Variants in SPAG16 observed in about 807,000 individuals in gnomAD.
SPAG16 encodes sperm-associated antigen 16 protein.
A neutral mutation model predicts 80.4 loss-of-function variants in SPAG16; 86 were observed. The observed-to-expected ratio is 1.07, with a 90% confidence interval of 0.90 to 1.28. The LOEUF is 1.28. Ranked by LOEUF, SPAG16 falls within the 50% of genes most tolerant of loss-of-function variation. The pLI is 0.00. For missense variants in SPAG16, 870 were observed against 765.3 expected (o/e 1.14, Z -1.61); for synonymous variants, 294 against 265.9 (o/e 1.11, Z -1.03).
At chr2:214,341,527 C>G (rs1172900450) in intron 15 of SPAG16, among the ~76,000 whole-genome samples, 1 of 152,072 alleles carries the variant, frequency 6.6e-6, no homozygotes, top group African/African-American at 2.4e-5. Flanking sequence ...TAAAAAGCTT[C>G]TGAGATTTCA....
intron 9 of SPAG16, among the ~76,000 whole-genome samples, chr2:213,375,493 T>A (rs983814594): frequency 1.3e-5 from 2 of 152,068 alleles, no homozygotes; most frequent in Non-Finnish European, 2.9e-5. Context: ...CTTAGTCTCT[T>A]TAAAGGTAGA....
intron 9 of SPAG16, among the ~76,000 whole-genome samples, chr2:213,480,223 A>G (rs1463015896): frequency 6.6e-6 from 1 of 152,196 alleles, no homozygotes; most frequent in Non-Finnish European, 1.5e-5. Flanking sequence ...GTGGACATCT[A>G]TAGAGAATTA....
chr2:213,703,308 G>C (rs2065582606), intron 10 of SPAG16, among the ~76,000 whole-genome samples: 1 of 152,164 alleles, frequency 6.6e-6, no homozygotes, highest in African/African-American at 2.4e-5. Context: ...GAACTTGGCT[G>C]TCCTGTTCTC....
intron 10 of SPAG16, among the ~76,000 whole-genome samples, chr2:213,787,699 C>T (rs576290602): frequency 6.6e-6 from 1 of 151,990 alleles, no homozygotes; most frequent in African/African-American, 2.4e-5. Flanking sequence ...TGGAAAACAT[C>T]TTAAAATTTT....
chr2:213,488,627 A>G (rs2074096688), intron 9 of SPAG16, among the ~76,000 whole-genome samples: 2 of 152,168 alleles, frequency 1.3e-5, no homozygotes, highest in South Asian at 4.1e-4. Context: ...TTTTGTAAAA[A>G]TTGAGAGAGA....
chr2:213,636,663 C>T (rs1304843986), intron 10 of SPAG16, among the ~76,000 whole-genome samples: 2 of 152,182 alleles, frequency 1.3e-5, no homozygotes, highest in Admixed American at 6.5e-5. Context: ...TTGTACAGAT[C>T]TTTCACCTCC....
chr2:213,318,674 A>G (rs1217340240), intron 5 of SPAG16, among the ~76,000 whole-genome samples: 1 of 151,930 alleles, frequency 6.6e-6, no homozygotes. Context: ...TAAACTATCC[A>G]TAATTTCACC....
intron 14 of SPAG16, among the ~76,000 whole-genome samples, chr2:214,114,181 C>G (rs974945696): frequency 3.1e-4 from 47 of 152,276 alleles, no homozygotes; most frequent in African/African-American, 1.1e-3. Flanking sequence ...ATATTGCTGC[C>G]TGATCCTTCC....
In SPAG16 at chr2:213,859,271, A is replaced by G. The variant is rs2075320999; in HGVS notation, c.1071-3214A>G. Among the ~76,000 whole-genome samples the G allele has an allele frequency of 2.0e-5, 3 of 151,098 alleles. No individual in the cohort carries two copies. In the South Asian group the frequency reaches 6.3e-4, roughly 32 times the overall value. ...ATACCGGACTTCTACTATTAGCACA[A>G]GAAAATGAATTAAAGATCTTAAAGA... On this transcript the variant is annotated intron_variant, in intron 10 of 15. Transcript: ENST00000331683.
chr2:214,304,273 A>G (rs1252160486), intron 15 of SPAG16, among the ~76,000 whole-genome samples: 1 of 152,234 alleles, frequency 6.6e-6, no homozygotes, highest in East Asian at 1.9e-4. Context: ...AAATCTCTGC[A>G]GCACTGTGAC....
chr2:213,605,418 A>C (rs2061224101), intron 10 of SPAG16, among the ~76,000 whole-genome samples: 1 of 152,064 alleles, frequency 6.6e-6, no homozygotes, highest in South Asian at 2.1e-4. Flanking sequence ...TGGGAGGCCA[A>C]AGTGGAAGGA....
chr2:214,160,333 T>C (rs12619901), intron 15 of SPAG16, among the ~76,000 whole-genome samples: 47,787 of 151,712 alleles, frequency 0.31, 9,479 homozygotes, highest in Non-Finnish European at 0.44. Context: ...TTGATTTTTT[T>C]CTTGTATTTA....
intron 13 of SPAG16, among the ~76,000 whole-genome samples, chr2:214,094,065 C>G (rs2052413630): frequency 6.6e-6 from 1 of 152,008 alleles, no homozygotes; most frequent in Non-Finnish European, 1.5e-5. Flanking sequence ...AGTAGTGTGT[C>G]AGAGTTGGTT....
rs1475156727 is a variant in SPAG16 at position 214,382,852 on chromosome 2, C to T, written c.1721-27288C>T. 7.9e-5 allele frequency among the ~76,000 whole-genome samples: 12 copies of T among 152,236 alleles called. No individual in the cohort carries two copies. The East Asian group carries it at 1.7e-3, about 22-fold the overall frequency. On this transcript the variant is annotated intron_variant, in intron 15 of 15. Coordinates refer to ENST00000331683, the MANE Select transcript of SPAG16 (RefSeq NM_024532.5). ...GGAGTAGAAGGAGCTTCATGAGATC[C>T]GCTTGTTTGGGCTTCTGCCTCTCTA...
At position 213,782,180 on chromosome 2, in the gene SPAG16, G is replaced by GT. The variant is rs11310181; in HGVS notation, c.1071-80293dup. On this transcript the variant is annotated intron_variant, in intron 10 of 15. Transcript: ENST00000331683. ...GTACTCTAAACTGTAATAGTCTTCA[G>GT]TTTTTTTTTTTTAAATAATAAAAAA... Among the ~76,000 whole-genome samples the GT allele has an allele frequency of 1.7e-3, 246 of 145,898 alleles. 1 individual carries two copies. The highest frequency in any genetic ancestry group is 3.1e-3 in the African/African-American group (123 of 39,440).
At chr2:213,630,122 AC>A (rs776919649) in intron 10 of SPAG16, among the ~76,000 whole-genome samples, 7 of 152,242 alleles carry the variant, frequency 4.6e-5, no homozygotes, top group Non-Finnish European at 7.4e-5. Flanking sequence ...AGTGGCTCAC[AC>A]CTGTAATCCC....
intron 15 of SPAG16, among the ~76,000 whole-genome samples, chr2:214,223,614 G>A (rs190324355): frequency 5.9e-5 from 9 of 152,134 alleles, no homozygotes; most frequent in African/African-American, 2.2e-4. Flanking sequence ...GTATTTAAAA[G>A]TAACCTAAAT....
At chr2:213,778,819 GTT>G (rs2069764073) in intron 10 of SPAG16, among the ~76,000 whole-genome samples, 1 of 152,116 alleles carries the variant, frequency 6.6e-6, no homozygotes, top group African/African-American at 2.4e-5. Context: ...AAAGCCTTGA[GTT>G]AATATTAATG....
intron 10 of SPAG16, among the ~76,000 whole-genome samples, chr2:213,652,609 G>A (rs1182964526): frequency 6.6e-6 from 1 of 152,026 alleles, no homozygotes; most frequent in East Asian, 1.9e-4. Flanking sequence ...GTGATATATT[G>A]TCATGGTTAT....
Sources: gnomAD v4.1 joint callset for allele counts (sites outside exome capture counted in the v4.1 genomes callset) on GRCh38, gnomAD v4.1.1 for gene constraint, MANE v1.5 for transcripts, NCBI Gene and HGNC (gene_info 2026-07-23, HGNC 2026-07-21) for gene names.